The following HUNK variants were observed in gnomAD, a reference collection of about 807,000 sequenced individuals.
HUNK encodes hormonally up-regulated Neu-associated kinase.
In HUNK, 21 loss-of-function variants were observed where a neutral mutation model predicts 61.0. The observed-to-expected ratio is 0.34, with a 90% CI of 0.24 to 0.50. The LOEUF (loss-of-function observed/expected upper bound fraction) is 0.50, where lower values mean the gene tolerates loss of function less well. Ranked by LOEUF, HUNK falls within the 20% of genes least tolerant of loss-of-function variation. HUNK has a pLI of 0.98. For missense variants in HUNK, 772 were observed against 945.7 expected (o/e 0.82, Z 2.41); for synonymous variants, 371 against 386.1 (o/e 0.96, Z 0.46).
intron 1 of HUNK, among the ~76,000 whole-genome samples, chr21:31,892,178 T>G (rs549886327): frequency 0.039 from 4,009 of 103,614 alleles, 70 homozygotes; most frequent in Middle Eastern, 0.058. Flanking sequence ...TATATATATA[T>G]ATAGAGAGAG....
chr21:31,961,546 C>T (rs990954200), intron 5 of HUNK, among the ~76,000 whole-genome samples: 5 of 152,120 alleles, frequency 3.3e-5, no homozygotes, highest in Non-Finnish European at 5.9e-5. Flanking sequence ...GCATCCTTGC[C>T]AGCATTTGAT....
At chr21:31,890,580 A>G (rs981633714) in intron 1 of HUNK, among the ~76,000 whole-genome samples, 2 of 152,236 alleles carry the variant, frequency 1.3e-5, no homozygotes, top group East Asian at 3.9e-4. Flanking sequence ...GCATTCCATT[A>G]TTTGGAGTTG....
At position 31,976,273 on chromosome 21, in the gene HUNK, A is replaced by G. The variant is rs573374373; in HGVS notation, c.1173+1556A>G. 7.2e-5 allele frequency among the ~76,000 whole-genome samples: 11 copies of G among 152,260 alleles called. No homozygotes were observed. In the East Asian group the frequency reaches 2.1e-3, roughly 29 times the overall value. On this transcript the variant is annotated intron_variant, in intron 7 of 10. Transcript: ENST00000270112. ...CTACTGGAGAAGAGATGTCAAATCC[A>G]GAAAGACAGGACTTTCAACATATAG...
rs188538431 is a variant in HUNK, at chr21:31,898,985, C to T, written c.261+25050C>T. ...TACAAACACTTGTAATGTATGTTAT[C>T]GTGGAAACTGAATGATGATAAGCTG... On this transcript the variant is annotated intron_variant, in intron 1 of 10. Coordinates refer to ENST00000270112, the MANE Select transcript of HUNK (RefSeq NM_014586.2). Among the ~76,000 whole-genome samples the T allele has an allele frequency of 6.3e-3, 961 of 152,120 alleles. 9 individuals carry two copies. Among genetic ancestry groups the T allele is most frequent in the Middle Eastern group, 0.021 (6 of 292 alleles).
intron 8 of HUNK, among the ~76,000 whole-genome samples, chr21:31,989,240 G>A (rs779340734): frequency 6.6e-6 from 1 of 152,148 alleles, no homozygotes; most frequent in Non-Finnish European, 1.5e-5. Flanking sequence ...GAAATTCTGA[G>A]GTCCTGGGGT....
chr21:31,898,930 G>A lies in HUNK; in HGVS notation c.261+24995G>A, dbSNP rs80207688. 9.9e-5 allele frequency among the ~76,000 whole-genome samples: 15 copies of A among 152,268 alleles called. No individual in the cohort carries two copies. In the East Asian group the frequency reaches 2.9e-3, roughly 29 times the overall value. ...AGGCTCCTCTTAAGAAATACCATCT[G>A]TGAGCTTATTCTCTTTTATGGTTTA... On this transcript the variant is annotated intron_variant, in intron 1 of 10. Coordinates refer to ENST00000270112, the MANE Select transcript of HUNK (RefSeq NM_014586.2).
chr21:31,971,201 C>T (rs1275916519), intron 6 of HUNK, among the ~76,000 whole-genome samples: 2 of 152,078 alleles, frequency 1.3e-5, no homozygotes, highest in African/African-American at 4.8e-5. Context: ...GCCTCAGCCT[C>T]CTGAGTAGCT....
intron 6 of HUNK, among the ~76,000 whole-genome samples, chr21:31,973,132 TTTTA>T (rs146914027): frequency 1.3e-5 from 2 of 151,956 alleles, no homozygotes; most frequent in Admixed American, 6.5e-5. Flanking sequence ...GTATCACTCT[TTTTA>T]TTTATTTATT....
chr21:31,985,248 C>T (rs868418050), intron 8 of HUNK, among the ~76,000 whole-genome samples: 1 of 152,192 alleles, frequency 6.6e-6, no homozygotes, highest in Non-Finnish European at 1.5e-5. Flanking sequence ...CCAGTGAGGT[C>T]ACTGAGCCTG....
chr21:31,917,826 C>A (rs373652904), intron 1 of HUNK, among the ~76,000 whole-genome samples: 48 of 151,740 alleles, frequency 3.2e-4, no homozygotes, highest in East Asian at 9.7e-4. Flanking sequence ...AATCGGGGAA[C>A]CTGCAGCGTT....
At position 31,990,130 on chromosome 21, in the gene HUNK, C is replaced by T; in HGVS notation, c.1259C>T (p.Ala420Val). The T allele has an allele frequency of 1.2e-6, 2 of 1,613,736 alleles. No homozygotes were observed. The highest frequency in any genetic ancestry group is 1.7e-6 in the Non-Finnish European group (2 of 1,179,720). The part of the protein sequence containing the change: ...KYRAPKESYE[A>V]SLDTWTRDLE... ...GTTGAAGGATGTTCCTTTTCACAGG[C>T]CTCTCTGGACACCTGGACACGAGAT... Residue 420 changes from alanine to valine, a missense_variant and splice_region_variant, in exon 9 of 11, where the codon GCC (alanine) becomes GTC (valine). Ala to Val is a moderately conservative substitution (Grantham distance 64, BLOSUM62 0). Around this residue, in one of 2 missense-constraint regions of HUNK, gnomAD observed 413 missense variants for 444.4 expected, o/e 0.93. Transcript: ENST00000270112.
chr21:31,958,806 C>A (rs779769662), intron 4 of HUNK, 37 bp from the exon 5 acceptor site: 2 of 1,535,372 alleles, frequency 1.3e-6, no homozygotes, highest in African/African-American at 2.8e-5. Flanking sequence ...CCCCAGGGGA[C>A]CTGACTCCGC....
At chr21:31,982,228 A>AT (rs2053102678) in intron 7 of HUNK, among the ~76,000 whole-genome samples, 1 of 152,200 alleles carries the variant, frequency 6.6e-6, no homozygotes, top group Admixed American at 6.5e-5. Flanking sequence ...TTCTCAGACC[A>AT]GTTGTGAGTT....
intron 1 of HUNK, among the ~76,000 whole-genome samples, chr21:31,901,166 C>G (rs1032069145): frequency 1.3e-5 from 2 of 152,194 alleles, no homozygotes; most frequent in Non-Finnish European, 2.9e-5. Context: ...AACAAGGTCA[C>G]CTTCTGAGCT....
chr21:31,998,483 G>C (rs774199943), intron 10 of HUNK, 43 bp from the exon 11 acceptor site: 7 of 1,517,692 alleles, frequency 4.6e-6, no homozygotes, highest in Non-Finnish European at 6.2e-6. Context: ...CGTGAGCACT[G>C]TCCGGACGTC....
chr21:31,946,133 C>A lies in HUNK; in HGVS notation c.708C>A (p.Ala236=), dbSNP rs768342149. 17 of 1,613,020 alleles carry A rather than the reference C, an allele frequency of 1.1e-5. No homozygotes were observed. In the Admixed American group the frequency reaches 2.8e-4, roughly 27 times the overall value. The change falls in exon 4 of 11, where the codon GCC becomes GCA. Residue 236 remains alanine (A), a synonymous_variant. Transcript: ENST00000270112. The part of the protein sequence containing the change: ...SPAYAAPELL[A]RKKYGPKIDV... ...CCTACGCTGCACCTGAACTGCTCGC[C>A]AGGAAGAAATACGGCCCCAAAATCG...
intron 1 of HUNK, among the ~76,000 whole-genome samples, chr21:31,903,565 A>T (rs2052484008): frequency 3.3e-5 from 5 of 152,218 alleles, no homozygotes; most frequent in Admixed American, 3.3e-4. Flanking sequence ...AATGATGAAT[A>T]AGAAGTCTAT....
At chr21:31,953,741 G>T (rs1008240725) in intron 4 of HUNK, among the ~76,000 whole-genome samples, 2 of 152,114 alleles carry the variant, frequency 1.3e-5, no homozygotes, top group Admixed American at 6.5e-5. Flanking sequence ...CACATCTTAT[G>T]GATGAGAGAC....
At chr21:31,914,821 T>A (rs1439246271) in intron 1 of HUNK, among the ~76,000 whole-genome samples, 1 of 152,230 alleles carries the variant, frequency 6.6e-6, no homozygotes, top group Non-Finnish European at 1.5e-5. Flanking sequence ...TCTAATGACC[T>A]CATTTAACGT....
Sources: allele counts gnomAD v4.1 joint callset (sites outside exome capture counted in the v4.1 genomes callset), GRCh38; gene constraint gnomAD v4.1.1; regional missense constraint gnomAD v4.1.1; transcripts MANE v1.5; gene names NCBI Gene and HGNC (gene_info 2026-07-23, HGNC 2026-07-21).